The following COL15A1 variants were observed in gnomAD, a reference collection of about 807,000 sequenced individuals.
COL15A1 encodes collagen type XV alpha 1 chain.
COL15A1 carries 111 observed loss-of-function variants against 165.9 expected under a neutral mutation model. The observed-to-expected ratio is 0.67, with a 90% CI of 0.57 to 0.78. The LOEUF (loss-of-function observed/expected upper bound fraction) is 0.78. Among genes scored for constraint, COL15A1 ranks in the 30% least tolerant of loss-of-function variants. The probability of loss-of-function intolerance (pLI) is 0.00; values close to 1 mark genes in which losing one functional copy is unlikely to be tolerated. For synonymous variants in COL15A1, 659 were observed against 674.8 expected (o/e 0.98, Z 0.36); for missense variants, 1,745 against 1,789.7 (o/e 0.98, Z 0.45).
At chr9:99,013,727 T>C (rs1838883503) in intron 9 of COL15A1, among the ~76,000 whole-genome samples, 1 of 152,068 alleles carries the variant, frequency 6.6e-6, no homozygotes, top group African/African-American at 2.4e-5. Context: ...AGAGCAGAGC[T>C]TCAGACCTAA....
rs1227147382 is a variant in COL15A1, at chr9:98,943,958, G to T, written c.-104G>T. The T allele has an allele frequency of 4.0e-6, 6 of 1,516,582 alleles. No homozygotes were observed. In the East Asian group the frequency reaches 1.4e-4, roughly 35 times the overall value. The allele number at this position is 1,516,582 out of a possible 1,614,324, so 93.9% of individuals were successfully genotyped here. On this transcript the variant is annotated 5_prime_UTR_variant, in exon 1 of 42. It adds an upstream start codon to the 5' untranslated region. Transcript: ENST00000375001. Reference sequence around the variant, plus strand: ...GCGCCGCCTTTGTTCCCTGCAGGAAGGGCGAGCGCGGCGGCCAGCGCTCAG... The same window carrying T: ...GCGCCGCCTTTGTTCCCTGCAGGAATGGCGAGCGCGGCGGCCAGCGCTCAG...
chr9:99,054,763 C>A, intron 32 of COL15A1, 107 bp downstream of exon 32: 1 of 1,240,020 alleles, frequency 8.1e-7, no homozygotes, highest in African/African-American at 1.5e-5. Context: ...GACATTCCAC[C>A]CTGACCACAG....
At chr9:98,990,161 G>A (rs957397332) in intron 5 of COL15A1, among the ~76,000 whole-genome samples, 1 of 152,198 alleles carries the variant, frequency 6.6e-6, no homozygotes, top group Non-Finnish European at 1.5e-5. Context: ...GCACTGGAAG[G>A]ACCCAAAGTC....
At chr9:98,958,792 G>C (rs1473525378) in intron 2 of COL15A1, among the ~76,000 whole-genome samples, 2 of 152,106 alleles carry the variant, frequency 1.3e-5, no homozygotes, top group Non-Finnish European at 2.9e-5. Flanking sequence ...GGATTCCTTG[G>C]TTCTAGGCCT....
At chr9:99,068,793 A>T in intron 41 of COL15A1, 123 bp downstream of exon 41, 1 of 607,976 alleles carries the variant, frequency 1.6e-6, no homozygotes, top group Non-Finnish European at 2.8e-6. Flanking sequence ...ACAGTGAGGC[A>T]ACTGAGGGCC....
intron 24 of COL15A1, among the ~76,000 whole-genome samples, chr9:99,042,550 A>G (rs1037397208): frequency 1.3e-5 from 2 of 152,270 alleles, no homozygotes; most frequent in Non-Finnish European, 2.9e-5. Flanking sequence ...GCCTGAGGAC[A>G]GGCATCCTGC....
intron 3 of COL15A1, chr9:98,986,386 A>AC (rs1419694325): frequency 7.8e-6 from 3 of 385,814 alleles, no homozygotes; most frequent in African/African-American, 2.1e-5. Context: ...AACCTACCCC[A>AC]CAGTCTTGTA....
intron 5 of COL15A1, among the ~76,000 whole-genome samples, chr9:98,989,810 A>T (rs1838384874): frequency 1.3e-5 from 2 of 152,202 alleles, no homozygotes; most frequent in Admixed American, 6.5e-5. Context: ...CTTCTGACGC[A>T]TGGGAAAGGC....
At chr9:99,032,942 TA>T (rs1346986075) in intron 16 of COL15A1, among the ~76,000 whole-genome samples, 1 of 152,266 alleles carries the variant, frequency 6.6e-6, no homozygotes, top group Non-Finnish European at 1.5e-5. Context: ...TATGTTATCC[TA>T]CCTTTTCTCT....
intron 5 of COL15A1, among the ~76,000 whole-genome samples, chr9:98,991,708 C>T (rs1206996635): frequency 6.6e-6 from 1 of 151,948 alleles, no homozygotes; most frequent in Non-Finnish European, 1.5e-5. Context: ...CAAGTCCCCA[C>T]TAGATTAGCT....
chr9:99,003,598 C>A lies in COL15A1; in HGVS notation c.1200+11C>A. 6.8e-7 allele frequency: 1 copy of A among 1,474,400 alleles called. No individual in the cohort carries two copies. 91.3% of individuals were successfully genotyped at this position (1,474,400 alleles called of 1,614,324 possible). A position where few individuals can be genotyped will look rare whatever the true frequency, so the allele number is the denominator to read the frequency against. Reference sequence around the variant, plus strand: ...GAAGGGGTCACTCCAGTAAGTAGCTCAGAGCGCAAGCTCCCCTTCACCTGT... The same window carrying A: ...GAAGGGGTCACTCCAGTAAGTAGCTAAGAGCGCAAGCTCCCCTTCACCTGT... On this transcript the variant is annotated intron_variant, in intron 8 of 41. Coordinates refer to ENST00000375001, the MANE Select transcript of COL15A1 (RefSeq NM_001855.5).
intron 38 of COL15A1, 100 bp downstream of exon 38, chr9:99,062,404 CAGCTGTGCACGGTT>C (rs1825831959): frequency 1.1e-6 from 1 of 884,450 alleles, no homozygotes; most frequent in Non-Finnish European, 1.9e-6. Context: ...TCTGGACAGT[CAGCTGTGCACGGTT>C]TAGTATCTGG....
chr9:98,956,179 G>A (rs1357053106), intron 2 of COL15A1, among the ~76,000 whole-genome samples: 7 of 152,142 alleles, frequency 4.6e-5, no homozygotes, highest in East Asian at 3.9e-4. Context: ...GGTGGTGCAC[G>A]CCTGTGGTCC....
At chr9:99,009,328 C>T (rs555669633) in intron 9 of COL15A1, among the ~76,000 whole-genome samples, 33 of 152,298 alleles carry the variant, frequency 2.2e-4, no homozygotes, top group African/African-American at 7.5e-4. Context: ...ATAAAATATG[C>T]TAAAACATAT....
At chr9:99,028,645 G>A (rs187325569) in intron 16 of COL15A1, among the ~76,000 whole-genome samples, 4 of 152,006 alleles carry the variant, frequency 2.6e-5, no homozygotes, top group East Asian at 3.9e-4. Flanking sequence ...GTGAGACTCC[G>A]TCTCCAGAAA....
At chr9:98,995,538 C>T (rs1838528473) in intron 5 of COL15A1, among the ~76,000 whole-genome samples, 1 of 152,190 alleles carries the variant, frequency 6.6e-6, no homozygotes, top group Non-Finnish European at 1.5e-5. Flanking sequence ...TCCCTGGGCT[C>T]TGTTCCACTG....
intron 2 of COL15A1, among the ~76,000 whole-genome samples, chr9:98,962,004 G>A (rs538123201): frequency 6.6e-6 from 1 of 152,368 alleles, no homozygotes. Flanking sequence ...GGAGGCAAGT[G>A]AGGAAGGTTT....
At position 98,945,954 on chromosome 9, in the gene COL15A1, A is replaced by G. The variant is rs189162040; in HGVS notation, c.100+1704A>G. On this transcript the variant is annotated intron_variant, in intron 2 of 41. Coordinates refer to ENST00000375001, the MANE Select transcript of COL15A1 (RefSeq NM_001855.5). ...CTAACACAAAGGAAGCCCTATTCCC[A>G]TTTATAATGTAAAAAGGGAGGGCCA... Among the ~76,000 whole-genome samples the G allele has an allele frequency of 3.8e-3, 585 of 152,282 alleles. 2 individuals are homozygous for G. Among genetic ancestry groups the G allele is most frequent in the African/African-American group, 0.014 (564 of 41,550 alleles).
rs750277112 is a variant in COL15A1 at position 99,015,926 on chromosome 9, A to G, written c.1504-50A>G. ...GAAACGACTGTTACAACTCCCTGGC[A>G]GCCTCATGAGCGAGGTGAGGTGGTG... On this transcript the variant is annotated intron_variant, in intron 10 of 41. Coordinates refer to ENST00000375001, the MANE Select transcript of COL15A1 (RefSeq NM_001855.5). 3.6e-5 allele frequency: 57 copies of G among 1,594,994 alleles called. 1 individual carries two copies. The East Asian group carries it at 1.2e-3, about 35-fold the overall frequency.
Sources: gnomAD v4.1 joint callset for allele counts (sites outside exome capture counted in the v4.1 genomes callset) on GRCh38, gnomAD v4.1.1 for gene constraint, MANE v1.5 for transcripts, NCBI Gene and HGNC (gene_info 2026-07-23, HGNC 2026-07-21) for gene names.